ALPK3: variants seen among roughly 807,000 people sequenced by gnomAD.
The protein encoded by ALPK3 is alpha-protein kinase 3.
In ALPK3, 102 loss-of-function variants were observed where a neutral mutation model predicts 140.0. That is an observed-to-expected ratio of 0.73 (90% CI 0.62 to 0.86). ALPK3 has a LOEUF of 0.86. Among genes scored for constraint, ALPK3 ranks in the 40% least tolerant of loss-of-function variants. ALPK3 has a pLI of 0.00. For synonymous variants in ALPK3, 938 were observed against 898.5 expected (o/e 1.04, Z -0.79); for missense variants, 2,254 against 2,208.2 (o/e 1.02, Z -0.42).
intron 5 of ALPK3, among the ~76,000 whole-genome samples, chr15:84,854,571 G>T (rs779872922): frequency 6.6e-6 from 1 of 152,184 alleles, no homozygotes; most frequent in Non-Finnish European, 1.5e-5. Flanking sequence ...ACAGGTTTGA[G>T]CCACTGTGCC....
chr15:84,856,982 A>G lies in ALPK3; in HGVS notation c.2244A>G (p.Arg748=). 1 of 1,614,088 alleles carries G rather than the reference A, an allele frequency of 6.2e-7. No individual in the cohort carries two copies. Among genetic ancestry groups the G allele is most frequent in the South Asian group, 1.1e-5 (1 of 91,066 alleles). Reference sequence around the variant, plus strand: ...AACTCCCACCTACAGCGGGTCCTAGAGCTCCTCTGAATATTGAATGTTTTG... The same window carrying G: ...AACTCCCACCTACAGCGGGTCCTAGGGCTCCTCTGAATATTGAATGTTTTG... The part of the protein sequence containing the change: ...TPKLPPTAGP[R]APLNIECFVQ... Residue 748 remains arginine (R), a synonymous_variant, in exon 6 of 14, where the codon AGA becomes AGG. Coordinates refer to ENST00000258888, the MANE Select transcript of ALPK3 (RefSeq NM_020778.5).
chr15:84,837,484 C>A (rs1239119682), intron 3 of ALPK3, among the ~76,000 whole-genome samples: 4 of 152,186 alleles, frequency 2.6e-5, no homozygotes, highest in Admixed American at 1.3e-4. Flanking sequence ...CATGTCTCAC[C>A]TTTTCTATCA....
Position 84,858,318 on chromosome 15 carries a change from C to A in ALPK3, c.3580C>A (p.Arg1194=). The change falls in exon 6 of 14, where the codon CGG becomes AGG. Residue 1194 remains arginine (R), a synonymous_variant. Transcript: ENST00000258888. The part of the protein sequence containing the change: ...EERESPTVSP[R]GPRKSLVPGS... ...AAGGGAGAGCCCCACGGTTTCCCCC[C>A]GGGGGCCCAGGAAAAGCCTGGTGCC... 6.4e-7 allele frequency: 1 copy of A among 1,564,228 alleles called. No homozygotes were observed. Among genetic ancestry groups the A allele is most frequent in the Non-Finnish European group, 8.7e-7 (1 of 1,154,598 alleles).
At position 84,840,521 on chromosome 15, in the gene ALPK3, C is replaced by T. The variant is rs945161495; in HGVS notation, c.1242C>T (p.Ser414=). The T allele has an allele frequency of 8.7e-6, 14 of 1,609,812 alleles. No individual in the cohort carries two copies. The highest frequency in any genetic ancestry group is 1.1e-5 in the Non-Finnish European group (13 of 1,178,620). ...GPGPGQEVYF[S]LKDMYLENTQ... ...GCCCAGGCCAGGAAGTGTATTTCTC[C>T]TTGAAGGACATGTACCTGGAGAACA... The change falls in exon 5 of 14, where the codon TCC becomes TCT. Residue 414 remains serine, a synonymous_variant. Coordinates refer to ENST00000258888, the MANE Select transcript of ALPK3 (RefSeq NM_020778.5).
chr15:84,846,555 G>C (rs570471038), intron 5 of ALPK3, among the ~76,000 whole-genome samples: 2 of 152,246 alleles, frequency 1.3e-5, no homozygotes, highest in African/African-American at 4.8e-5. Flanking sequence ...GCATAGTGGT[G>C]TGTGTCTGTA....
At chr15:84,848,380 G>A (rs757203248) in intron 5 of ALPK3, among the ~76,000 whole-genome samples, 1 of 152,096 alleles carries the variant, frequency 6.6e-6, no homozygotes, top group African/African-American at 2.4e-5. Context: ...ACTTGAAGTG[G>A]TAAAATATTG....
chr15:84,848,239 G>T (rs1963759064), intron 5 of ALPK3, among the ~76,000 whole-genome samples: 1 of 147,372 alleles, frequency 6.8e-6, no homozygotes, highest in Admixed American at 6.7e-5. Context: ...ATGTTTGAAG[G>T]TAAAAAGTAA....
chr15:84,863,347 A>T (rs1302453323), intron 10 of ALPK3, among the ~76,000 whole-genome samples: 2 of 152,208 alleles, frequency 1.3e-5, no homozygotes, highest in African/African-American at 4.8e-5. Context: ...CCTCAGTTTG[A>T]AAAGAAGTCC....
intron 5 of ALPK3, among the ~76,000 whole-genome samples, chr15:84,850,877 T>TACACAC (rs1190685778): frequency 1.4e-4 from 13 of 90,420 alleles, no homozygotes; most frequent in South Asian, 3.1e-4. Flanking sequence ...CAGTTCCAGA[T>TACACAC]ATACACACAC....
chr15:84,826,108 G>T (rs1035229931), intron 2 of ALPK3, among the ~76,000 whole-genome samples: 9 of 152,126 alleles, frequency 5.9e-5, no homozygotes, highest in Non-Finnish European at 1.3e-4. Context: ...ACCACAGCAG[G>T]AACCCCATCA....
rs34906636 is a variant in ALPK3, at chr15:84,856,639, G to A, written c.1901G>A (p.Arg634His). The A allele has an allele frequency of 1.4e-5, 22 of 1,614,116 alleles. No homozygotes were observed. Among genetic ancestry groups the A allele is most frequent in the Admixed American group, 1.7e-5 (1 of 60,010 alleles). ...GDGTQTAQRT[R>H]ADRKTQVDAG... ...GGAACACAGACAGCCCAGAGGACAC[G>A]TGCAGATAGGAAGACGCAGGTGGAT... The change falls in exon 6 of 14, where the codon CGT becomes CAT. Residue 634 changes from arginine (R) to histidine (H), a missense_variant. Transcript: ENST00000258888.
intron 3 of ALPK3, among the ~76,000 whole-genome samples, chr15:84,838,514 C>T (rs773966400): frequency 1.9e-4 from 29 of 151,960 alleles, no homozygotes; most frequent in Non-Finnish European, 3.2e-4. Context: ...TACAGTGGCT[C>T]GGTTCTTCCA....
Position 84,863,564 on chromosome 15 carries a change from C to G in ALPK3, c.4423C>G (p.Gln1475Glu). Reference sequence around the variant, plus strand: ...CCCTCATCCACAGGGGTGCAAGATCCAGAACATGAGTCGGGAGTACTGCAA... The same window carrying G: ...CCCTCATCCACAGGGGTGCAAGATCGAGAACATGAGTCGGGAGTACTGCAA... ...YDVTIQGCKI[Q>E]NMSREYCKIF... The change falls in exon 11 of 14, where the codon CAG (glutamine) becomes GAG (glutamate). Residue 1475 changes from glutamine (Q) to glutamate (E), a missense_variant. By Grantham distance (29) the Gln-to-Glu change is conservative. Around this residue, in one of 3 missense-constraint regions of ALPK3, gnomAD observed 2,088 missense variants for 2,022.9 expected, o/e 1.03. Coordinates refer to ENST00000258888, the MANE Select transcript of ALPK3 (RefSeq NM_020778.5). The G allele has an allele frequency of 6.2e-7, 1 of 1,613,996 alleles. No homozygotes were observed.
At chr15:84,830,468 C>G (rs1334479415) in intron 3 of ALPK3, among the ~76,000 whole-genome samples, 1 of 152,222 alleles carries the variant, frequency 6.6e-6, no homozygotes, top group Non-Finnish European at 1.5e-5. Flanking sequence ...GGACCTTGCT[C>G]TCCCTTGAGT....
In ALPK3 at chr15:84,827,417, G is replaced by C. The variant is rs983669307; in HGVS notation, c.183-67G>C. ...GGCATGGTAAGACGGAAGCTGCCTT[G>C]GACAGGCCAGGCTGTGCTGTTTGTT... On this transcript the variant is annotated intron_variant, in intron 2 of 13. Coordinates refer to ENST00000258888, the MANE Select transcript of ALPK3 (RefSeq NM_020778.5). 6.2e-6 allele frequency: 10 copies of C among 1,601,572 alleles called. No homozygotes were observed. In the African/African-American group the frequency reaches 1.1e-4, roughly 17 times the overall value.
rs140571556 is a variant in ALPK3 at position 84,839,019 on chromosome 15, C to T, written c.344C>T (p.Thr115Met). The part of the protein sequence containing the change: ...EPEVTWYKDD[T>M]ELDRYCGLPK... ...GAGGTGACCTGGTACAAGGATGATA[C>T]GGAGCTGGACCGCTACTGTGGCTTG... is the stretch of plus-strand genomic sequence containing the variant. Residue 115 changes from threonine (T) to methionine (M), a missense_variant, in exon 4 of 14, where the codon ACG (threonine) becomes ATG (methionine). This residue lies in a region of ALPK3 where 2,088 missense variants were observed against 2,022.9 expected (regional missense o/e 1.03). Transcript: ENST00000258888. The T allele has an allele frequency of 1.2e-5, 20 of 1,613,950 alleles. No homozygotes were observed. Among genetic ancestry groups the T allele is most frequent in the Admixed American group, 1.2e-4 (7 of 60,002 alleles).
intron 1 of ALPK3, among the ~76,000 whole-genome samples, chr15:84,820,745 G>C (rs1350070615): frequency 6.6e-6 from 1 of 152,180 alleles, no homozygotes; most frequent in Non-Finnish European, 1.5e-5. Context: ...GCCTCCCAAA[G>C]TGCTGGGATT....
chr15:84,844,264 A>G (rs985172756), intron 5 of ALPK3, among the ~76,000 whole-genome samples: 2 of 151,882 alleles, frequency 1.3e-5, no homozygotes, highest in Non-Finnish European at 2.9e-5. Flanking sequence ...AAAATTAGCC[A>G]GGTGTGGTGG....
At position 84,840,612 on chromosome 15, in the gene ALPK3, AGTCC is replaced by A; in HGVS notation, c.1334_1337del (p.Ser445ThrfsTer25). 1.3e-6 allele frequency: 2 copies of A among 1,556,560 alleles called. No homozygotes were observed. Among genetic ancestry groups the A allele is most frequent in the Non-Finnish European group, 1.7e-6 (2 of 1,154,686 alleles). On this transcript the variant is annotated frameshift_variant, in exon 5 of 14. Transcript: ENST00000258888. LOFTEE classifies it high-confidence loss of function. ...CCTGAGTGTCCGGGCGCCTGGGGAG[AGTCC>A]CAAGGGGAAGGCACCCCTCAGGGCT...
Sources: gnomAD v4.1 joint callset for allele counts (sites outside exome capture counted in the v4.1 genomes callset) on GRCh38, gnomAD v4.1.1 for gene constraint, gnomAD v4.1.1 regional missense constraint, MANE v1.5 for transcripts, NCBI Gene and HGNC (gene_info 2026-07-23, HGNC 2026-07-21) for gene names.